COIL: variants seen among roughly 807,000 people sequenced by gnomAD.
COIL encodes coilin, also known as coilin p80.
COIL carries 28 observed loss-of-function variants against 51.6 expected under a neutral mutation model. That is an observed-to-expected ratio of 0.54 (90% CI 0.40 to 0.74). The LOEUF (loss-of-function observed/expected upper bound fraction) is 0.74, where lower values mean the gene tolerates loss of function less well. Among genes scored for constraint, COIL ranks in the 30% least tolerant of loss-of-function variants. The pLI is 0.00. For missense variants in COIL, 667 were observed against 685.9 expected, an observed-to-expected ratio of 0.97 and a Z score of 0.31; for synonymous variants, 233 against 255.8, an observed-to-expected ratio of 0.91 and a Z score of 0.85.
chr17:56,953,188 G>T (rs1490040856), intron 1 of COIL, among the ~76,000 whole-genome samples: 1 of 151,814 alleles, frequency 6.6e-6, no homozygotes, highest in South Asian at 2.1e-4. Flanking sequence ...AAGGTGGGTG[G>T]ATCACAAGGT....
intron 5 of COIL, among the ~76,000 whole-genome samples, chr17:56,942,788 T>C (rs568372707): frequency 6.6e-6 from 1 of 152,304 alleles, no homozygotes; most frequent in Non-Finnish European, 1.5e-5. Context: ...AGCGCTGGGA[T>C]TACAGGCGTG....
At chr17:56,959,760 C>A (rs1190543722) in intron 1 of COIL, among the ~76,000 whole-genome samples, 1 of 152,262 alleles carries the variant, frequency 6.6e-6, no homozygotes, top group Non-Finnish European at 1.5e-5. Context: ...GTCTCCGGCA[C>A]ATCTGCACCA....
At chr17:56,947,956 T>G (rs1210180217) in intron 4 of COIL, among the ~76,000 whole-genome samples, 2 of 152,086 alleles carry the variant, frequency 1.3e-5, no homozygotes, top group Admixed American at 6.6e-5. Flanking sequence ...AGCATAACTA[T>G]TAATAGCATC....
At chr17:56,944,215 C>T (rs1436214913) in intron 5 of COIL, among the ~76,000 whole-genome samples, 1 of 152,078 alleles carries the variant, frequency 6.6e-6, no homozygotes, top group Non-Finnish European at 1.5e-5. Context: ...AGGCTGTATG[C>T]ACAGAATTTG....
At chr17:56,955,103 C>T (rs767439241) in intron 1 of COIL, among the ~76,000 whole-genome samples, 20 of 152,108 alleles carry the variant, frequency 1.3e-4, no homozygotes, top group Non-Finnish European at 2.2e-4. Flanking sequence ...TTTGCTCTGT[C>T]GCCCAGGCTG....
Position 56,950,040 on chromosome 17 carries a change from A to C in COIL, c.1202T>G (p.Leu401Arg), listed in dbSNP as rs1407913732. The C allele has an allele frequency of 2.5e-6, 4 of 1,614,014 alleles. No individual in the cohort carries two copies. The Admixed American group carries it at 6.7e-5, about 27-fold the overall frequency. ...TCCCTTAGCTCCCTTCCAAGAAAAAAGGTTCTCTTCTCTACCCCATCCTCT... is the reference window on the plus strand; with the variant it reads ...TCCCTTAGCTCCCTTCCAAGAAAAACGGTTCTCTTCTCTACCCCATCCTCT... ...LGRGWGREEN[L>R]FSWKGAKGRG... Residue 401 changes from leucine to arginine, a missense_variant, in exon 2 of 7, where the codon CTT (leucine) becomes CGT (arginine). By Grantham distance (102) the Leu-to-Arg change is moderately radical (BLOSUM62 -2). Transcript: ENST00000240316.
rs58069521 is a variant in COIL at position 56,953,431 on chromosome 17, AT to A, written c.246-2436del. Among the ~76,000 whole-genome samples the A allele has an allele frequency of 2.4e-3, 356 of 146,760 alleles. 14 individuals are homozygous for A. In the East Asian group the frequency reaches 0.031, roughly 13 times the overall value. The stretch of plus-strand genomic sequence containing the variant: ...GTCTCAAAAAAAAAAAAAAAAAAAA[AT>A]ACAAACATTAGGTAAGTATGGTTGG... On this transcript the variant is annotated intron_variant, in intron 1 of 6. Coordinates refer to ENST00000240316, the MANE Select transcript of COIL (RefSeq NM_004645.3).
intron 1 of COIL, among the ~76,000 whole-genome samples, chr17:56,953,245 A>T (rs1391261026): frequency 1.3e-5 from 2 of 151,876 alleles, no homozygotes; most frequent in Non-Finnish European, 1.5e-5. Flanking sequence ...CCCCGTCTCT[A>T]CTAAAAATAC....
intron 1 of COIL, chr17:56,951,806 T>C (rs1479601725): frequency 6.6e-6 from 1 of 151,116 alleles, no homozygotes; most frequent in African/African-American, 2.4e-5. Flanking sequence ...TTCTTTTCTT[T>C]TTTTTTTTTT....
At chr17:56,953,064 G>A (rs1269143204) in intron 1 of COIL, among the ~76,000 whole-genome samples, 1 of 152,078 alleles carries the variant, frequency 6.6e-6, no homozygotes, top group Non-Finnish European at 1.5e-5. Context: ...GGTGGCTTGA[G>A]CCCAGGAGTT....
intron 1 of COIL, among the ~76,000 whole-genome samples, chr17:56,957,308 T>A (rs955968843): frequency 6.0e-5 from 9 of 150,568 alleles, no homozygotes; most frequent in Admixed American, 2.7e-4. Context: ...TTAAAAAAAA[T>A]TTAAAAATTA....
At chr17:56,943,743 A>G (rs1249156674) in intron 5 of COIL, among the ~76,000 whole-genome samples, 1 of 152,252 alleles carries the variant, frequency 6.6e-6, no homozygotes, top group African/African-American at 2.4e-5. Flanking sequence ...TACAGTTAAC[A>G]TATGCAATGT....
intron 2 of COIL, 30 bp downstream of exon 2, chr17:56,949,859 A>C (rs756146934): frequency 1.9e-6 from 3 of 1,610,494 alleles, no homozygotes; most frequent in South Asian, 2.2e-5. Flanking sequence ...GGGGAAAGGG[A>C]GGAGATAACT....
chr17:56,953,796 T>A (rs1296071464), intron 1 of COIL, among the ~76,000 whole-genome samples: 6 of 151,986 alleles, frequency 3.9e-5, no homozygotes, highest in Non-Finnish European at 7.4e-5. Flanking sequence ...GACAAACAAA[T>A]CAAGATAAAA....
rs1378300842 is a variant in COIL at position 56,950,939 on chromosome 17, G to A, written c.303C>T (p.Asp101=). 6.2e-7 allele frequency: 1 copy of A among 1,612,692 alleles called. No individual in the cohort carries two copies. The highest frequency in any genetic ancestry group is 2.2e-5 in the East Asian group (1 of 44,884). ...TTGCTTTTCTAAGAGATAAATTAAT[G>A]TCACCATTACTGATGACTACAGAAT... ...AENSVVISNG[D]INLSLRKAKK... The change falls in exon 2 of 7, where the codon GAC becomes GAT. Residue 101 remains aspartate, a synonymous_variant. Coordinates refer to ENST00000240316, the MANE Select transcript of COIL (RefSeq NM_004645.3).
chr17:56,949,528 C>G, intron 3 of COIL, 94 bp from the exon 4 acceptor site: 1 of 1,453,434 alleles, frequency 6.9e-7, no homozygotes. Context: ...CGTGTCCACC[C>G]CGACCAGTCT....
chr17:56,956,285 CTGGAG>C (rs1266734175), intron 1 of COIL, among the ~76,000 whole-genome samples: 1 of 152,206 alleles, frequency 6.6e-6, no homozygotes, highest in Non-Finnish European at 1.5e-5. Context: ...GCTGCCCAGT[CTGGAG>C]TGGAGTGACA....
In COIL at chr17:56,949,986, C is replaced by T. The variant is rs138873632; in HGVS notation, c.1256G>A (p.Arg419Gln). The change falls in exon 2 of 7, where the codon CGA becomes CAA. Residue 419 changes from arginine (R) to glutamine (Q), a missense_variant. Physicochemically the swap from Arg to Gln is conservative, Grantham distance 43. Coordinates refer to ENST00000240316, the MANE Select transcript of COIL (RefSeq NM_004645.3). ...TACAACACAGGAAACAGGATGCCCT[C>T]GTCCTCGACCTCTCCCCCGCATGCC... ...GRGMRGRGRG[R>Q]GHPVSCVVNR... 3.8e-4 allele frequency: 609 copies of T among 1,614,028 alleles called. No homozygotes were observed. Among genetic ancestry groups the T allele is most frequent in the Non-Finnish European group, 4.5e-4 (535 of 1,180,032 alleles).
rs771082338 is a variant in COIL at position 56,961,021 on chromosome 17, T to G, written c.-2A>C. ...CCTAACCGTCTCGGAAGCTGCCATC[T>G]TGCTTGGTGCTCAACGGAAGCCGAG... On this transcript the variant is annotated 5_prime_UTR_variant, in exon 1 of 7. Coordinates refer to ENST00000240316, the MANE Select transcript of COIL (RefSeq NM_004645.3). The G allele has an allele frequency of 6.2e-7, 1 of 1,612,248 alleles. No individual in the cohort carries two copies. Among genetic ancestry groups the G allele is most frequent in the Admixed American group, 1.7e-5 (1 of 59,994 alleles).
Sources: gnomAD v4.1 joint callset for allele counts (sites outside exome capture counted in the v4.1 genomes callset) on GRCh38, gnomAD v4.1.1 for gene constraint, MANE v1.5 for transcripts, NCBI Gene and HGNC (gene_info 2026-07-23, HGNC 2026-07-21) for gene names.